Variants in KPNA3 observed in about 807,000 individuals in gnomAD.
KPNA3 encodes karyopherin subunit alpha 3.
A neutral mutation model predicts 73.8 loss-of-function variants in KPNA3; 13 were observed. The ratio of observed to expected loss-of-function variants is 0.18; its 90% CI spans 0.11 to 0.28. The LOEUF (loss-of-function observed/expected upper bound fraction) is 0.28, where lower values mean the gene tolerates loss of function less well. Ranked by LOEUF, KPNA3 falls within the 10% of genes least tolerant of loss-of-function variation. The pLI, the probability that KPNA3 is intolerant of heterozygous loss-of-function variation, is 1.00. For missense variants in KPNA3, 360 were observed against 618.1 expected, an observed-to-expected ratio of 0.58 and a Z score of 4.43; for synonymous variants, 186 against 206.9, an observed-to-expected ratio of 0.90 and a Z score of 0.87.
At chr13:49,756,878 G>A (rs558776640) in intron 1 of KPNA3, among the ~76,000 whole-genome samples, 1 of 152,226 alleles carries the variant, frequency 6.6e-6, no homozygotes, top group African/African-American at 2.4e-5. Context: ...GAAAAGAACA[G>A]AGAACCCAAT....
intron 1 of KPNA3, among the ~76,000 whole-genome samples, chr13:49,749,022 TGAAAA>T (rs1954640811): frequency 6.6e-6 from 1 of 152,196 alleles, no homozygotes; most frequent in African/African-American, 2.4e-5. Context: ...TTCCTATAAC[TGAAAA>T]GAAAAATATT....
At chr13:49,764,942 T>C (rs1275340418) in intron 1 of KPNA3, among the ~76,000 whole-genome samples, 1 of 152,180 alleles carries the variant, frequency 6.6e-6, no homozygotes, top group Non-Finnish European at 1.5e-5. Context: ...TGGAACACAA[T>C]CCTTAATTAC....
At chr13:49,717,431 G>GA (rs367721289) in intron 10 of KPNA3, among the ~76,000 whole-genome samples, 28,451 of 62,468 alleles carry the variant, frequency 0.46, 4,062 homozygotes, top group Non-Finnish European at 0.5. Flanking sequence ...CTCCATCTCG[G>GA]AAAAAAAAGA....
chr13:49,706,468 G>A, intron 12 of KPNA3, 96 bp from the exon 13 acceptor site: 1 of 803,076 alleles, frequency 1.2e-6, no homozygotes, highest in Non-Finnish European at 2.0e-6. Context: ...AAAATCACCT[G>A]AATTACGTTA....
At chr13:49,735,281 C>T (rs564292491) in intron 2 of KPNA3, among the ~76,000 whole-genome samples, 34 of 152,274 alleles carry the variant, frequency 2.2e-4, no homozygotes, top group Non-Finnish European at 4.0e-4. Flanking sequence ...CGCCTCCATA[C>T]CCGGCTAATT....
intron 1 of KPNA3, among the ~76,000 whole-genome samples, chr13:49,779,433 T>A (rs1954923757): frequency 6.6e-6 from 1 of 152,198 alleles, no homozygotes; most frequent in African/African-American, 2.4e-5. Context: ...CATCCTCATT[T>A]CTGCCTGTAC....
At chr13:49,773,633 C>T (rs1303504187) in intron 1 of KPNA3, among the ~76,000 whole-genome samples, 1 of 151,980 alleles carries the variant, frequency 6.6e-6, no homozygotes, top group Non-Finnish European at 1.5e-5. Flanking sequence ...TACATGACAC[C>T]TATTTTAATG....
intron 1 of KPNA3, among the ~76,000 whole-genome samples, chr13:49,777,924 A>C (rs986909402): frequency 2.0e-5 from 3 of 152,194 alleles, no homozygotes; most frequent in African/African-American, 7.2e-5. Context: ...AAAATTAACC[A>C]CATCAACCTG....
chr13:49,707,610 C>A (rs578027806), intron 12 of KPNA3, among the ~76,000 whole-genome samples: 1 of 152,004 alleles, frequency 6.6e-6, no homozygotes, highest in African/African-American at 2.4e-5. Flanking sequence ...AAGCATACTA[C>A]ATCACAGGCC....
intron 1 of KPNA3, among the ~76,000 whole-genome samples, chr13:49,789,210 T>C (rs1955011300): frequency 6.6e-6 from 1 of 152,214 alleles, no homozygotes; most frequent in Non-Finnish European, 1.5e-5. Flanking sequence ...AAGATATTCT[T>C]GCATCAACAC....
rs978034263 is a variant in KPNA3 at position 49,700,187 on chromosome 13, A to G, written c.*1613T>C. 6.6e-6 allele frequency: 1 copy of G among 152,640 alleles called. No homozygotes were observed. The highest frequency in any genetic ancestry group is 2.4e-5 in the African/African-American group (1 of 41,458). The allele number at this position is 152,640 out of a possible 1,614,324, so 9.5% of individuals were successfully genotyped here. Reference sequence around the variant, plus strand: ...AGTGGCTCCACCTTGGCAGATACATATATTTGTAATGAATGCACACCTGCT... The same window carrying G: ...AGTGGCTCCACCTTGGCAGATACATGTATTTGTAATGAATGCACACCTGCT... On this transcript the variant is annotated 3_prime_UTR_variant, in exon 17 of 17. Coordinates refer to ENST00000261667, the MANE Select transcript of KPNA3 (RefSeq NM_002267.4).
intron 7 of KPNA3, among the ~76,000 whole-genome samples, chr13:49,724,373 G>A (rs1355717680): frequency 1.3e-5 from 2 of 151,316 alleles, no homozygotes; most frequent in South Asian, 2.1e-4. Flanking sequence ...GCACGATCTC[G>A]GCTCACTGCA....
chr13:49,704,421 AAT>A (rs869241807), intron 15 of KPNA3, among the ~76,000 whole-genome samples: 10 of 106,722 alleles, frequency 9.4e-5, no homozygotes, highest in Non-Finnish European at 2.0e-4. Context: ...TCAAAAAAAA[AAT>A]AAATAAATAA....
At chr13:49,736,121 G>A (rs1954519088) in intron 2 of KPNA3, among the ~76,000 whole-genome samples, 1 of 151,994 alleles carries the variant, frequency 6.6e-6, no homozygotes, top group South Asian at 2.1e-4. Context: ...TCTTCATCTA[G>A]TTTAGGTTTT....
At chr13:49,772,148 C>T (rs778580274) in intron 1 of KPNA3, among the ~76,000 whole-genome samples, 10 of 152,128 alleles carry the variant, frequency 6.6e-5, no homozygotes, top group Admixed American at 1.3e-4. Context: ...TATTTTCCAA[C>T]CTGGTTATCT....
rs1244296506 is a variant in KPNA3, at chr13:49,719,779, A to G, written c.767T>C (p.Ile256Thr). Reference protein sequence around the residue: ...ALCVLIYHTDINILVDTVWAL... With the variant: ...ALCVLIYHTDTNILVDTVWAL... ...TTAAGCTGCTTCTTAACTTACGTTT[A>G]TATCTGTATGGTATATGAGGACACA... Residue 256 changes from isoleucine (I) to threonine (T), a missense_variant, in exon 10 of 17, where the codon ATA becomes ACA. This residue lies in a region of KPNA3 where 287 missense variants were observed against 549.1 expected (regional missense o/e 0.52). Coordinates refer to ENST00000261667, the MANE Select transcript of KPNA3 (RefSeq NM_002267.4). The G allele has an allele frequency of 5.6e-6, 9 of 1,600,572 alleles. No individual in the cohort carries two copies. The East Asian group carries it at 1.1e-4, about 20-fold the overall frequency.
At chr13:49,755,609 C>A (rs1051506170) in intron 1 of KPNA3, among the ~76,000 whole-genome samples, 16 of 152,108 alleles carry the variant, frequency 1.1e-4, no homozygotes, top group African/African-American at 7.2e-5. Context: ...ATCTGGTCAA[C>A]ATAGTGAAAC....
At chr13:49,737,020 T>C (rs1476737760) in intron 2 of KPNA3, among the ~76,000 whole-genome samples, 4 of 152,226 alleles carry the variant, frequency 2.6e-5, no homozygotes, top group African/African-American at 7.2e-5. Flanking sequence ...TTGTTGCTTA[T>C]ATAATTGTTC....
chr13:49,779,097 A>T (rs768295193), intron 1 of KPNA3, among the ~76,000 whole-genome samples: 34 of 147,024 alleles, frequency 2.3e-4, no homozygotes, highest in Non-Finnish European at 4.4e-4. Context: ...TGCTAGTTCC[A>T]TTTTTTTTTT....
Sources: allele counts gnomAD v4.1 joint callset (sites outside exome capture counted in the v4.1 genomes callset), GRCh38; gene constraint gnomAD v4.1.1; regional missense constraint gnomAD v4.1.1; transcripts MANE v1.5; gene names NCBI Gene and HGNC (gene_info 2026-07-23, HGNC 2026-07-21).